MYO9A: variants seen among roughly 807,000 people sequenced by gnomAD.
The protein encoded by MYO9A is unconventional myosin-IXa.
In MYO9A, 103 loss-of-function variants were observed where a neutral mutation model predicts 293.3. The observed-to-expected ratio is 0.35, with a 90% CI of 0.30 to 0.41. The LOEUF is 0.41. MYO9A is among the 10% of genes least tolerant of loss of function. The pLI is 1.00. For missense variants in MYO9A, 2,685 were observed against 3,033.0 expected (o/e 0.89, Z 2.69); for synonymous variants, 1,001 against 1,035.7 (o/e 0.97, Z 0.64).
intron 14 of MYO9A, among the ~76,000 whole-genome samples, chr15:71,956,452 A>C (rs1219174378): frequency 2.0e-5 from 3 of 146,826 alleles, no homozygotes; most frequent in Non-Finnish European, 4.5e-5. Flanking sequence ...CAGTCTGGCC[A>C]ACATAGTGAA....
At chr15:71,862,404 T>C (rs2056173734) in intron 33 of MYO9A, 96 bp downstream of exon 33, 2 of 928,726 alleles carry the variant, frequency 2.2e-6, no homozygotes, top group South Asian at 1.4e-5. Flanking sequence ...TTAGGTAGTG[T>C]AAATAACTCC....
At chr15:72,062,522 C>T (rs568877785) in intron 1 of MYO9A, among the ~76,000 whole-genome samples, 49 of 152,208 alleles carry the variant, frequency 3.2e-4, no homozygotes, top group African/African-American at 1.2e-3. Context: ...AGAAATCAAA[C>T]AGAAATTTGG....
intron 35 of MYO9A, among the ~76,000 whole-genome samples, chr15:71,853,556 C>T (rs1469167901): frequency 1.3e-5 from 2 of 152,206 alleles, no homozygotes; most frequent in Admixed American, 6.5e-5. Context: ...TATTTTCATA[C>T]TCAATTCATT....
At chr15:71,873,454 A>G (rs573119306) in intron 32 of MYO9A, among the ~76,000 whole-genome samples, 1 of 152,102 alleles carries the variant, frequency 6.6e-6, no homozygotes, top group South Asian at 2.1e-4. Context: ...ATTCTTAGGT[A>G]TGTTATTGCT....
chr15:72,117,784 G>A lies in MYO9A; in HGVS notation c.-176C>T. 1 of 398,230 alleles carries A rather than the reference G, an allele frequency of 2.5e-6. No homozygotes were observed. The highest frequency in any genetic ancestry group is 4.4e-6 in the Non-Finnish European group (1 of 225,496). 24.7% of individuals were successfully genotyped at this position (398,230 alleles called of 1,614,324 possible). On this transcript the variant is annotated 5_prime_UTR_variant, in exon 1 of 42. Coordinates refer to ENST00000356056, the MANE Select transcript of MYO9A (RefSeq NM_006901.4). Reference sequence around the variant, plus strand: ...ACCGGAGATGGCAGAAGAGGCCGAGGCCACCGAGGGTCGGACGGTTCCGGG... The same window carrying A: ...ACCGGAGATGGCAGAAGAGGCCGAGACCACCGAGGGTCGGACGGTTCCGGG...
chr15:72,056,308 A>G (rs2078716926), intron 1 of MYO9A, among the ~76,000 whole-genome samples: 1 of 152,200 alleles, frequency 6.6e-6, no homozygotes, highest in South Asian at 2.1e-4. Context: ...ATAGCAGCAC[A>G]ATTCACAACT....
intron 4 of MYO9A, among the ~76,000 whole-genome samples, chr15:72,026,718 G>T (rs2077684816): frequency 6.6e-6 from 1 of 152,066 alleles, no homozygotes; most frequent in African/African-American, 2.4e-5. Flanking sequence ...GACAGACAGA[G>T]AAAGAAGCAG....
chr15:72,030,255 T>C (rs541928886), intron 3 of MYO9A, among the ~76,000 whole-genome samples: 1 of 152,316 alleles, frequency 6.6e-6, no homozygotes, highest in East Asian at 1.9e-4. Context: ...CACAACCACC[T>C]TGCGTGGCAA....
chr15:71,902,610 G>C (rs1004882442), intron 22 of MYO9A, among the ~76,000 whole-genome samples: 11 of 152,072 alleles, frequency 7.2e-5, no homozygotes, highest in Admixed American at 7.2e-4. Flanking sequence ...TGAGAAACTG[G>C]AAAAAGGGTG....
At chr15:72,090,981 AAAAT>A (rs1444580852) in intron 1 of MYO9A, among the ~76,000 whole-genome samples, 1 of 147,602 alleles carries the variant, frequency 6.8e-6, no homozygotes, top group African/African-American at 2.4e-5. Context: ...CAGCAAAAAA[AAAAT>A]AAATAAATAA....
Position 71,884,211 on chromosome 15 carries a change from T to C in MYO9A, c.5256-475A>G, listed in dbSNP as rs2056957036. On this transcript the variant is annotated intron_variant, in intron 27 of 41. Coordinates refer to ENST00000356056, the MANE Select transcript of MYO9A (RefSeq NM_006901.4). ...CTAAAAAACATTAGTTTACCTTTGT[T>C]TGTCATTTCCTTCCAGTCTTTATCC... Among the ~76,000 whole-genome samples, 3 of 152,164 alleles carry C rather than the reference T, an allele frequency of 2.0e-5. No individual in the cohort carries two copies. In the South Asian group the frequency reaches 6.2e-4, roughly 32 times the overall value.
chr15:71,894,550 G>T (rs928692806), intron 25 of MYO9A, among the ~76,000 whole-genome samples: 2 of 152,158 alleles, frequency 1.3e-5, no homozygotes, highest in Non-Finnish European at 2.9e-5. Context: ...GCACACTCTA[G>T]CTTGGGTGAC....
intron 2 of MYO9A, among the ~76,000 whole-genome samples, chr15:72,037,316 A>G (rs2078083496): frequency 6.6e-6 from 1 of 151,748 alleles, no homozygotes. Context: ...GCTGGTGAAT[A>G]ATATGTACAA....
At chr15:71,883,380 CTTCA>C (rs752221277) in intron 28 of MYO9A, among the ~76,000 whole-genome samples, 1 of 152,100 alleles carries the variant, frequency 6.6e-6, no homozygotes, top group South Asian at 2.1e-4. Flanking sequence ...GTGGTTGCTG[CTTCA>C]TTGTTTTGTG....
At chr15:71,874,382 G>C (rs1163494676) in intron 32 of MYO9A, among the ~76,000 whole-genome samples, 2 of 152,162 alleles carry the variant, frequency 1.3e-5, no homozygotes, top group African/African-American at 4.8e-5. Flanking sequence ...AGGAGGAGGG[G>C]AAGTGGGAAG....
intron 2 of MYO9A, among the ~76,000 whole-genome samples, chr15:72,042,122 A>G (rs928853839): frequency 2.7e-4 from 41 of 151,358 alleles, no homozygotes; most frequent in Non-Finnish European, 6.0e-4. Flanking sequence ...CAAAAGATTG[A>G]ATGCAAAAAA....
chr15:71,858,035 T>C (rs2055935430), intron 34 of MYO9A, among the ~76,000 whole-genome samples: 1 of 152,300 alleles, frequency 6.6e-6, no homozygotes, highest in Non-Finnish European at 1.5e-5. Context: ...ATCAGAGAAA[T>C]GCAAATCAAA....
intron 18 of MYO9A, among the ~76,000 whole-genome samples, chr15:71,921,346 T>C (rs1283818418): frequency 6.6e-6 from 1 of 152,242 alleles, no homozygotes; most frequent in Non-Finnish European, 1.5e-5. Context: ...GTCATAGTTG[T>C]ACAAACTAAG....
chr15:71,893,210 A>G (rs780013281), intron 26 of MYO9A: 47 of 1,231,432 alleles, frequency 3.8e-5, no homozygotes, highest in Non-Finnish European at 4.8e-5. Context: ...AAATAACACA[A>G]CAATGTTTGG....
Sources: gnomAD v4.1 joint callset for allele counts (sites outside exome capture counted in the v4.1 genomes callset) on GRCh38, gnomAD v4.1.1 for gene constraint, MANE v1.5 for transcripts, NCBI Gene and HGNC (gene_info 2026-07-23, HGNC 2026-07-21) for gene names.